The following SLC6A13 variants were observed in gnomAD, a reference collection of about 807,000 sequenced individuals.
The protein encoded by SLC6A13 is sodium- and chloride-dependent GABA transporter 2.
Under a neutral mutation model 72.9 loss-of-function variants are expected in SLC6A13, and 69 were observed. That is an observed-to-expected ratio of 0.95 (90% CI 0.78 to 1.16). The LOEUF (loss-of-function observed/expected upper bound fraction) is 1.16. SLC6A13 is among the 50% of genes most tolerant of loss of function. The pLI, the probability that SLC6A13 is intolerant of heterozygous loss-of-function variation, is 0.00. For synonymous variants in SLC6A13, 303 were observed against 303.0 expected (o/e 1.00, Z 0.00); for missense variants, 735 against 760.5 (o/e 0.97, Z 0.39).
chr12:245,986 T>C (rs376434890), intron 2 of SLC6A13, among the ~76,000 whole-genome samples: 1 of 150,338 alleles, frequency 6.7e-6, no homozygotes, highest in South Asian at 2.1e-4. Context: ...GGTGTGGTGG[T>C]GGGTGCCTAT....
intron 9 of SLC6A13, 24 bp from the exon 10 acceptor site, chr12:224,537 C>G (rs199967573): frequency 1.8e-5 from 28 of 1,592,356 alleles, no homozygotes; most frequent in Middle Eastern, 1.7e-4. Context: ...CAGAGGAACA[C>G]GGGCCAGTGC....
At chr12:244,296 C>A (rs1942273058) in intron 2 of SLC6A13, among the ~76,000 whole-genome samples, 2 of 152,194 alleles carry the variant, frequency 1.3e-5, no homozygotes, top group South Asian at 4.1e-4. Flanking sequence ...ATTCCCTATG[C>A]AACAGTGTTG....
At chr12:222,669 T>C in intron 12 of SLC6A13, 37 bp from the exon 13 acceptor site, 1 of 1,409,606 alleles carries the variant, frequency 7.1e-7, no homozygotes, top group Non-Finnish European at 9.9e-7. Flanking sequence ...GAGGAGAAAG[T>C]CATTCTTTGG....
intron 7 of SLC6A13, among the ~76,000 whole-genome samples, chr12:230,304 G>A (rs1042801882): frequency 1.3e-5 from 2 of 152,162 alleles, no homozygotes; most frequent in African/African-American, 4.8e-5. Flanking sequence ...TAGAAGATCT[G>A]GGAAAGATGT....
At position 243,769 on chromosome 12, in the gene SLC6A13, T is replaced by A. The variant is rs1306868730; in HGVS notation, c.247A>T (p.Ile83Phe). 8 of 1,614,074 alleles carry A rather than the reference T, an allele frequency of 5.0e-6. No homozygotes were observed. Among genetic ancestry groups the A allele is most frequent in the Non-Finnish European group, 5.9e-6 (7 of 1,180,016 alleles). Residue 83 changes from isoleucine (I) to phenylalanine (F), a missense_variant, in exon 3 of 15, where the codon ATT becomes TTT. Coordinates refer to ENST00000343164, the MANE Select transcript of SLC6A13 (RefSeq NM_016615.5). Reference sequence around the variant, plus strand: ...GCTGTCTCCAGAAGGAAGACAGGAATGCCACAGGTAAAGAGGAAGACGAGG... The same window carrying A: ...GCTGTCTCCAGAAGGAAGACAGGAAAGCCACAGGTAAAGAGGAAGACGAGG... ...PYLVFLFTCG[I>F]PVFLLETALG... is the part of the protein sequence containing the mutation.
intron 2 of SLC6A13, among the ~76,000 whole-genome samples, chr12:253,157 G>A (rs1037600273): frequency 6.6e-6 from 1 of 152,198 alleles, no homozygotes; most frequent in African/African-American, 2.4e-5. Flanking sequence ...CGTGAGATAG[G>A]AGAGACCATA....
intron 4 of SLC6A13, 85 bp downstream of exon 4, chr12:242,529 T>C: frequency 2.4e-6 from 3 of 1,229,348 alleles, no homozygotes; most frequent in Non-Finnish European, 3.4e-6. Context: ...TGTGTCCGTG[T>C]TAAGCGGGGA....
chr12:229,387 T>C (rs1368143245), intron 7 of SLC6A13, among the ~76,000 whole-genome samples: 1 of 152,240 alleles, frequency 6.6e-6, no homozygotes, highest in Non-Finnish European at 1.5e-5. Flanking sequence ...CTTTTTTCTC[T>C]TCTAAAACTC....
intron 2 of SLC6A13, chr12:258,930 A>C: frequency 1.0e-6 from 1 of 985,598 alleles, no homozygotes; most frequent in Middle Eastern, 5.2e-4. Flanking sequence ...CGTGCCAGCA[A>C]AGTAGGAAAA....
chr12:235,334 T>TCAAAG, intron 6 of SLC6A13, 110 bp from the exon 7 acceptor site: 1 of 1,056,344 alleles, frequency 9.5e-7, no homozygotes, highest in Non-Finnish European at 1.4e-6. Context: ...GTCAAGGGAG[T>TCAAAG]GTTCCTCCTG....
chr12:251,135 A>C (rs549664716), intron 2 of SLC6A13, among the ~76,000 whole-genome samples: 1 of 151,532 alleles, frequency 6.6e-6, no homozygotes, highest in South Asian at 2.1e-4. Context: ...CAGCCTGGGC[A>C]ACAGAGCAAG....
In SLC6A13 at chr12:242,759, G is replaced by T; in HGVS notation, c.338-5C>A. 6.4e-7 allele frequency: 1 copy of T among 1,574,638 alleles called. No homozygotes were observed. Among genetic ancestry groups the T allele is most frequent in the South Asian group, 1.2e-5 (1 of 86,012 alleles). ...TCTGGGAGGCATAGCCAATGCCTGC[G>T]GGGAAACTGCAGAATTGGGCTAGGA... On this transcript the variant is annotated splice_region_variant and splice_polypyrimidine_tract_variant and intron_variant, in intron 3 of 14. Transcript: ENST00000343164.
rs137930537 is a variant in SLC6A13, at chr12:235,014, C to G, written c.831+76G>C. On this transcript the variant is annotated intron_variant, in intron 7 of 14. Coordinates refer to ENST00000343164, the MANE Select transcript of SLC6A13 (RefSeq NM_016615.5). Reference sequence around the variant, plus strand: ...GGGTAGTGCTAGGTGCGGGGGTTCCCCGTCAGAGTGCAGGGAAAGCCTGAA... The same window carrying G: ...GGGTAGTGCTAGGTGCGGGGGTTCCGCGTCAGAGTGCAGGGAAAGCCTGAA... 6.6e-4 allele frequency: 1,042 copies of G among 1,572,472 alleles called. 6 individuals carry two copies. The African/African-American group carries it at 0.013, about 19-fold the overall frequency.
rs1412155173 is a variant in SLC6A13 at position 224,386 on chromosome 12, G to T, written c.1173+15C>A. On this transcript the variant is annotated intron_variant, in intron 10 of 14. Coordinates refer to ENST00000343164, the MANE Select transcript of SLC6A13 (RefSeq NM_016615.5). ...CCACTCATCTCTCAGCCTCTGAGTG[G>T]CTGCCTCTTGATACCTGGCTATCCA... 2.5e-6 allele frequency: 4 copies of T among 1,602,422 alleles called. No individual in the cohort carries two copies. The highest frequency in any genetic ancestry group is 3.4e-6 in the Non-Finnish European group (4 of 1,169,398).
chr12:234,909 T>G (rs770130965), intron 7 of SLC6A13, among the ~76,000 whole-genome samples, 181 bp downstream of exon 7: 1 of 152,216 alleles, frequency 6.6e-6, no homozygotes, highest in Non-Finnish European at 1.5e-5. Flanking sequence ...TCTTGGGGTC[T>G]GGATTGAGAC....
chr12:262,656 C>T (rs1243823216), intron 1 of SLC6A13, 133 bp downstream of exon 1: 2 of 983,002 alleles, frequency 2.0e-6, no homozygotes, highest in African/African-American at 3.5e-5. Flanking sequence ...TGCATTTGCA[C>T]ACATACATGT....
intron 2 of SLC6A13, among the ~76,000 whole-genome samples, chr12:247,494 A>T (rs1460930634): frequency 1.3e-5 from 2 of 152,248 alleles, no homozygotes; most frequent in Non-Finnish European, 2.9e-5. Flanking sequence ...TATACCCAGC[A>T]ATAATACTGT....
intron 2 of SLC6A13, among the ~76,000 whole-genome samples, chr12:246,134 A>AATAAATGAATAAATAAATAAATAC (rs1174843198): frequency 3.2e-5 from 2 of 62,824 alleles, no homozygotes; most frequent in Non-Finnish European, 1.3e-4. Flanking sequence ...TAAAAGTAAA[A>AATAAATGAATAAATAAATAAATAC]ATAAATAAAT....
intron 7 of SLC6A13, among the ~76,000 whole-genome samples, chr12:231,294 G>A (rs1941698508): frequency 6.6e-6 from 1 of 152,232 alleles, no homozygotes; most frequent in South Asian, 2.1e-4. Context: ...CGAGAGGGGA[G>A]CACAGCGTTG....
Sources: allele counts gnomAD v4.1 joint callset (sites outside exome capture counted in the v4.1 genomes callset), GRCh38; gene constraint gnomAD v4.1.1; transcripts MANE v1.5; gene names NCBI Gene and HGNC (gene_info 2026-07-23, HGNC 2026-07-21).